SRSF10: variants seen among roughly 807,000 people sequenced by gnomAD.
SRSF10 encodes the protein serine/arginine-rich splicing factor 10.
SRSF10 carries 9 observed loss-of-function variants against 32.6 expected under a neutral mutation model. The observed-to-expected ratio is 0.28, with a 90% CI of 0.17 to 0.48. SRSF10 has a LOEUF of 0.48. Ranked by LOEUF, SRSF10 falls within the 20% of genes least tolerant of loss-of-function variation. SRSF10 has a pLI of 0.99. For synonymous variants in SRSF10, 105 were observed against 112.4 expected (o/e 0.93, Z 0.42); for missense variants, 201 against 331.8 (o/e 0.61, Z 3.06).
In SRSF10 at chr1:23,966,889, G is replaced by A. The variant is rs1641480880; in HGVS notation, c.*4253C>T. 2 of 152,012 alleles carry A rather than the reference G, an allele frequency of 1.3e-5. No homozygotes were observed. Among genetic ancestry groups the A allele is most frequent in the African/African-American group, 2.4e-5 (1 of 41,408 alleles). The allele number at this position is 152,012 out of a possible 1,614,324, so 9.4% of individuals were successfully genotyped here. On this transcript the variant is annotated 3_prime_UTR_variant, in exon 6 of 6. Coordinates refer to ENST00000492112, the MANE Select transcript of SRSF10 (RefSeq NM_054016.4). The stretch of plus-strand genomic sequence containing the variant: ...CTATAATTACATTGATACGAATGGT[G>A]TAAAATATTGTTATGAATAACACAC...
At chr1:23,979,905 G>C (rs1282908453) in intron 1 of SRSF10, among the ~76,000 whole-genome samples, 16 of 152,218 alleles carry the variant, frequency 1.1e-4, no homozygotes, top group African/African-American at 3.9e-4. Context: ...GCCGCGGCGG[G>C]GGGCTGCTCG....
At chr1:23,972,123 T>C (rs1641793327) in intron 3 of SRSF10, 111 bp from the exon 4 acceptor site, 3 of 957,120 alleles carry the variant, frequency 3.1e-6, no homozygotes, top group East Asian at 3.1e-5. Flanking sequence ...AAAGAGAGTA[T>C]GTATGACCCG....
rs1413865513 is a variant in SRSF10, at chr1:23,966,458, T to C, written c.*4684A>G. The C allele has an allele frequency of 1.3e-4, 20 of 152,166 alleles. No individual in the cohort carries two copies. The highest frequency in any genetic ancestry group is 1.0e-3 in the South Asian group (5 of 4,824). The allele number at this position is 152,166 out of a possible 1,614,324, so 9.4% of individuals were successfully genotyped here. A position where few individuals can be genotyped will look rare whatever the true frequency, so the allele number is the denominator to read the frequency against. On this transcript the variant is annotated 3_prime_UTR_variant, in exon 6 of 6. Transcript: ENST00000492112. ...GAATCCAAAACATTTTGTGATACTA[T>C]AAAAGTTATTTATTCGCTATACACA...
intron 3 of SRSF10, among the ~76,000 whole-genome samples, chr1:23,974,288 A>C (rs537978031): frequency 6.6e-6 from 1 of 152,252 alleles, no homozygotes; most frequent in East Asian, 1.9e-4. Flanking sequence ...CTTAATTAGT[A>C]TCTTGCCCAA....
At position 23,969,290 on chromosome 1, in the gene SRSF10, A is replaced by G. The variant is rs1641608742; in HGVS notation, c.*1852T>C. 1.0e-6 allele frequency: 1 copy of G among 985,590 alleles called. No homozygotes were observed. The allele number at this position is 985,590 out of a possible 1,614,324, so 61.1% of individuals were successfully genotyped here. ...CAACTTTCCTCTTTGCTAGAACTGT[A>G]AACTACTGCTACAGTTTTAAATAGA... On this transcript the variant is annotated 3_prime_UTR_variant, in exon 6 of 6. Transcript: ENST00000492112.
chr1:23,973,195 T>C (rs1379897145), intron 3 of SRSF10, among the ~76,000 whole-genome samples: 2 of 152,248 alleles, frequency 1.3e-5, no homozygotes, highest in African/African-American at 4.8e-5. Flanking sequence ...AAGACTGTTT[T>C]ATGTTAAAAA....
chr1:23,978,511 A>T (rs1181821255), intron 2 of SRSF10: 59 of 720,826 alleles, frequency 8.2e-5, no homozygotes, highest in Non-Finnish European at 1.1e-4. Context: ...CAGAAGCATG[A>T]ATGGGAATTT....
At chr1:23,978,380 A>G in intron 2 of SRSF10, 1 of 884,408 alleles carries the variant, frequency 1.1e-6, no homozygotes, top group Non-Finnish European at 1.4e-6. Flanking sequence ...ACAAACAAGA[A>G]TACCAAATTT....
Position 23,968,088 on chromosome 1 carries a change from A to C in SRSF10, c.*3054T>G. On this transcript the variant is annotated 3_prime_UTR_variant, in exon 6 of 6. Coordinates refer to ENST00000492112, the MANE Select transcript of SRSF10 (RefSeq NM_054016.4). Reference sequence around the variant, plus strand: ...CCAGTCATACACAGTAGGTAAACTCAGTAAGTGGGGGACTCAACTACATCA... The same window carrying C: ...CCAGTCATACACAGTAGGTAAACTCCGTAAGTGGGGGACTCAACTACATCA... The C allele has an allele frequency of 9.1e-5, 131 of 1,442,500 alleles. No homozygotes were observed. The highest frequency in any genetic ancestry group is 1.0e-4 in the Non-Finnish European group (113 of 1,089,952). The allele number at this position is 1,442,500 out of a possible 1,614,324, so 89.4% of individuals were successfully genotyped here. A position where few individuals can be genotyped will look rare whatever the true frequency, so the allele number is the denominator to read the frequency against.
chr1:23,979,782 C>T (rs1161954227), intron 1 of SRSF10, among the ~76,000 whole-genome samples: 1 of 140,446 alleles, frequency 7.1e-6, no homozygotes, highest in South Asian at 2.4e-4. Flanking sequence ...CCCGTTATTT[C>T]ATCTCACTAT....
chr1:23,980,126 C>G, intron 1 of SRSF10, 65 bp downstream of exon 1: 1 of 1,484,938 alleles, frequency 6.7e-7, no homozygotes, highest in African/African-American at 1.5e-5. Context: ...GCCGCCACCA[C>G]CAGGGTCCTC....
chr1:23,980,286 A>G lies in SRSF10; in HGVS notation c.-31T>C. The G allele has an allele frequency of 2.8e-6, 4 of 1,445,608 alleles. No individual in the cohort carries two copies. Among genetic ancestry groups the G allele is most frequent in the South Asian group, 1.4e-5 (1 of 73,846 alleles). 89.5% of individuals were successfully genotyped at this position (1,445,608 alleles called of 1,614,324 possible). A position where few individuals can be genotyped will look rare whatever the true frequency, so the allele number is the denominator to read the frequency against. On this transcript the variant is annotated 5_prime_UTR_variant, in exon 1 of 6. Transcript: ENST00000492112. ...CGGCGTGTCTCGGCCGGGCGCACTA[A>G]CGGGCTCAGCAAACCGTCCGCGGCT... is the stretch of plus-strand genomic sequence containing the variant.
At position 23,978,697 on chromosome 1, in the gene SRSF10, T is replaced by C; in HGVS notation, c.170+16A>G. 1 of 1,606,976 alleles carries C rather than the reference T, an allele frequency of 6.2e-7. No homozygotes were observed. The highest frequency in any genetic ancestry group is 8.5e-7 in the Non-Finnish European group (1 of 1,176,312). ...TTCAACACCCCTCACTAATCAGCCA[T>C]CTGAAGAAAGGATATTGAACATAAG... is the stretch of plus-strand genomic sequence containing the variant. On this transcript the variant is annotated intron_variant, in intron 2 of 5. Transcript: ENST00000492112.
intron 3 of SRSF10, 104 bp from the exon 4 acceptor site, chr1:23,972,116 G>A (rs1641792866): frequency 9.7e-7 from 1 of 1,035,082 alleles, no homozygotes; most frequent in African/African-American, 1.7e-5. Flanking sequence ...ATATCCCAAA[G>A]AGAGTATGTA....
rs1641738891 is a variant in SRSF10 at position 23,971,261 on chromosome 1, C to T, written c.670G>A (p.Glu224Lys). 6.2e-7 allele frequency: 1 copy of T among 1,613,852 alleles called. No homozygotes were observed. The highest frequency in any genetic ancestry group is 8.5e-7 in the Non-Finnish European group (1 of 1,179,926). The change falls in exon 6 of 6, where the codon GAA (glutamate) becomes AAA (lysine). Residue 224 changes from glutamate (E) to lysine (K), a missense_variant. Around this residue, in one of 3 missense-constraint regions of SRSF10, gnomAD observed 159 missense variants for 196.7 expected, o/e 0.81. Transcript: ENST00000492112. Reference sequence around the variant, plus strand: ...GGTTCTTTTTTCCTTGATTCCTTTTCATATCTTGAGCCAGACTTATAATGT... The same window carrying T: ...GGTTCTTTTTTCCTTGATTCCTTTTTATATCTTGAGCCAGACTTATAATGT... ...KTHYKSGSRY[E>K]KESRKKEPPR...
intron 2 of SRSF10, among the ~76,000 whole-genome samples, chr1:23,978,480 T>C (rs1222923751): frequency 1.1e-4 from 17 of 152,232 alleles, no homozygotes; most frequent in Admixed American, 1.1e-3. Flanking sequence ...AAATCACATA[T>C]ATAATCATCG....
chr1:23,972,743 G>A (rs1570774952), intron 3 of SRSF10, among the ~76,000 whole-genome samples: 2 of 44,298 alleles, frequency 4.5e-5, no homozygotes, highest in African/African-American at 8.7e-5. Context: ...CACCCAGCCT[G>A]GAGTCTTTTT....
Position 23,968,831 on chromosome 1 carries a change from A to G in SRSF10, c.*2311T>C, listed in dbSNP as rs1420609749. The stretch of plus-strand genomic sequence containing the variant: ...TCCAAATTTCATCTTAACACTACCA[A>G]ATAACCTCTTAAGTTAGTTAACCCA... On this transcript the variant is annotated 3_prime_UTR_variant, in exon 6 of 6. Transcript: ENST00000492112. Among the ~76,000 whole-genome samples the G allele has an allele frequency of 2.0e-5, 3 of 152,174 alleles. No homozygotes were observed. The highest frequency in any genetic ancestry group is 2.9e-5 in the Non-Finnish European group (2 of 67,994).
At chr1:23,975,143 A>G (rs1642007281) in intron 2 of SRSF10, 66 bp from the exon 3 acceptor site, 4 of 1,240,850 alleles carry the variant, frequency 3.2e-6, no homozygotes, top group African/African-American at 3.0e-5. Flanking sequence ...TTCAGTTGGT[A>G]TGTCTGGAAC....
Sources: allele counts gnomAD v4.1 joint callset (sites outside exome capture counted in the v4.1 genomes callset), GRCh38; gene constraint gnomAD v4.1.1; regional missense constraint gnomAD v4.1.1; transcripts MANE v1.5; gene names NCBI Gene and HGNC (gene_info 2026-07-23, HGNC 2026-07-21).